ATPSCKMT: variants seen among roughly 807,000 people sequenced by gnomAD.
The protein encoded by ATPSCKMT is ATP synthase c subunit lysine N-methyltransferase, also known as ATP synthase subunit C lysine N-methyltransferase.
ATPSCKMT carries 24 observed loss-of-function variants against 24.3 expected under a neutral mutation model. The ratio of observed to expected loss-of-function variants is 0.99; its 90% CI spans 0.71 to 1.39. The LOEUF (loss-of-function observed/expected upper bound fraction) is 1.39, where lower values mean the gene tolerates loss of function less well. Ranked by LOEUF, ATPSCKMT falls within the 40% of genes most tolerant of loss-of-function variation. The probability of loss-of-function intolerance (pLI) is 0.00; values close to 1 mark genes in which losing one functional copy is unlikely to be tolerated. For missense variants in ATPSCKMT, 311 were observed against 298.4 expected (o/e 1.04, Z -0.31); for synonymous variants, 95 against 110.5 (o/e 0.86, Z 0.88).
intron 1 of ATPSCKMT, among the ~76,000 whole-genome samples, chr5:10,245,496 A>G (rs1018578920): frequency 6.6e-6 from 1 of 152,198 alleles, no homozygotes; most frequent in Non-Finnish European, 1.5e-5. Flanking sequence ...ATGTAATCCC[A>G]GCACTTTGGG....
intron 4 of ATPSCKMT, 103 bp downstream of exon 4, chr5:10,235,108 C>T (rs1254755574): frequency 1.0e-6 from 1 of 969,020 alleles, no homozygotes; most frequent in Non-Finnish European, 1.6e-6. Flanking sequence ...CCTAAAATCT[C>T]TGGGAGGCCA....
intron 4 of ATPSCKMT, among the ~76,000 whole-genome samples, chr5:10,231,690 C>T (rs894153684): frequency 6.6e-6 from 1 of 152,012 alleles, no homozygotes; most frequent in Admixed American, 6.6e-5. Context: ...GATGCATCTT[C>T]TACAGGCATC....
At chr5:10,246,560 A>G (rs903064149) in intron 1 of ATPSCKMT, among the ~76,000 whole-genome samples, 3 of 152,160 alleles carry the variant, frequency 2.0e-5, no homozygotes, top group Admixed American at 6.5e-5. Flanking sequence ...TGTCTTCAAG[A>G]TTCATCCAGG....
rs1745027844 is a variant in ATPSCKMT, at chr5:10,248,167, T to C, written c.16+1691A>G. Among the ~76,000 whole-genome samples, 3 of 152,268 alleles carry C rather than the reference T, an allele frequency of 2.0e-5. No individual in the cohort carries two copies. The South Asian group carries it at 6.2e-4, about 31-fold the overall frequency. On this transcript the variant is annotated intron_variant, in intron 1 of 4. Transcript: ENST00000511437. ...TGTATGTGCATACCTGTTTAATAAC[T>C]ACAGCATATGTTATGTCCCTTTAGC...
chr5:10,236,668 T>C (rs2126441558), intron 2 of ATPSCKMT, 53 bp from the exon 3 acceptor site: 1 of 1,597,088 alleles, frequency 6.3e-7, no homozygotes, highest in Non-Finnish European at 8.5e-7. Context: ...TGAACATACA[T>C]GGTCAAACAA....
intron 2 of ATPSCKMT, 145 bp downstream of exon 2, chr5:10,238,922 A>G (rs1744495853): frequency 1.0e-6 from 1 of 966,200 alleles, no homozygotes; most frequent in Admixed American, 2.9e-5. Context: ...TGGTAGTTGA[A>G]TAGTTTGGTC....
At chr5:10,230,885 G>A (rs1321239354) in intron 4 of ATPSCKMT, among the ~76,000 whole-genome samples, 1 of 152,008 alleles carries the variant, frequency 6.6e-6, no homozygotes, top group Non-Finnish European at 1.5e-5. Flanking sequence ...GCCTTCAACA[G>A]CTCATCCTCG....
At chr5:10,231,439 T>C (rs1744131061) in intron 4 of ATPSCKMT, among the ~76,000 whole-genome samples, 1 of 152,022 alleles carries the variant, frequency 6.6e-6, no homozygotes, top group Non-Finnish European at 1.5e-5. Context: ...TCCTCTCTGC[T>C]CACCCAAGGC....
chr5:10,241,884 C>A (rs1211514186), intron 1 of ATPSCKMT, among the ~76,000 whole-genome samples: 1 of 152,158 alleles, frequency 6.6e-6, no homozygotes, highest in Non-Finnish European at 1.5e-5. Context: ...TGCAATTGCA[C>A]TGTTCAAAAA....
intron 1 of ATPSCKMT, among the ~76,000 whole-genome samples, chr5:10,240,147 T>C (rs759465163): frequency 6.7e-6 from 1 of 149,576 alleles, no homozygotes; most frequent in African/African-American, 2.5e-5. Flanking sequence ...GGCAGGAGAA[T>C]GGCATGAACC....
intron 2 of ATPSCKMT, chr5:10,237,146 C>T (rs1027841861): frequency 9.5e-6 from 7 of 733,606 alleles, no homozygotes; most frequent in South Asian, 1.6e-5. Flanking sequence ...ATCCCAATAA[C>T]GTCAACTGTG....
At chr5:10,227,833 T>C (rs550503459) in intron 4 of ATPSCKMT, among the ~76,000 whole-genome samples, 186 bp from the exon 5 acceptor site, 2 of 152,312 alleles carry the variant, frequency 1.3e-5, no homozygotes, top group South Asian at 4.1e-4. Context: ...CTGACAGCAG[T>C]TGTAAGAACA....
intron 1 of ATPSCKMT, among the ~76,000 whole-genome samples, chr5:10,244,666 C>T (rs1027817982): frequency 3.3e-5 from 5 of 152,156 alleles, no homozygotes; most frequent in Admixed American, 1.3e-4. Flanking sequence ...AATCCCAGCA[C>T]TTTGGAAGGC....
At chr5:10,248,546 A>G (rs1745069870) in intron 1 of ATPSCKMT, 1 of 152,302 alleles carries the variant, frequency 6.6e-6, no homozygotes, top group South Asian at 2.1e-4. Flanking sequence ...ATCCCATGAC[A>G]GTCAGTCCTC....
In ATPSCKMT at chr5:10,240,096, T is replaced by C. The variant is rs992591389; in HGVS notation, c.17-740A>G. Among the ~76,000 whole-genome samples, 21 of 148,418 alleles carry C rather than the reference T, an allele frequency of 1.4e-4. 1 individual carries two copies. The highest frequency in any genetic ancestry group is 1.1e-3 in the Admixed American group (17 of 14,922). On this transcript the variant is annotated intron_variant, in intron 1 of 4. Coordinates refer to ENST00000511437, the MANE Select transcript of ATPSCKMT (RefSeq NM_199133.4). ...AAAAAAAAAAAAAATTAGCCGGGCGTGGTGGCGGGCGCCTGTAGTCCCAGC... is the reference window on the plus strand; with the variant it reads ...AAAAAAAAAAAAAATTAGCCGGGCGCGGTGGCGGGCGCCTGTAGTCCCAGC...
In ATPSCKMT at chr5:10,226,784, C is replaced by T. The variant is rs1048581158; in HGVS notation, c.*657G>A. The stretch of plus-strand genomic sequence containing the variant: ...CCAGTGGCAGAGATACACAGAAAGC[C>T]AAGGCTCAGAGGCAGTAAGTCATGG... On this transcript the variant is annotated 3_prime_UTR_variant, in exon 5 of 5. Transcript: ENST00000511437. 6.6e-6 allele frequency: 1 copy of T among 152,314 alleles called. No homozygotes were observed. The highest frequency in any genetic ancestry group is 2.4e-5 in the African/African-American group (1 of 41,424). The allele number at this position is 152,314 out of a possible 1,614,324, so 9.4% of individuals were successfully genotyped here.
chr5:10,246,353 T>C (rs7722710), intron 1 of ATPSCKMT, among the ~76,000 whole-genome samples: 38,346 of 151,858 alleles, frequency 0.25, 7,648 homozygotes, highest in African/African-American at 0.56. Flanking sequence ...GAGAATCACC[T>C]GAACCGGGGA....
chr5:10,228,843 T>C (rs965029092), intron 4 of ATPSCKMT, among the ~76,000 whole-genome samples: 2 of 152,082 alleles, frequency 1.3e-5, no homozygotes, highest in African/African-American at 4.8e-5. Context: ...TTGCCCGGGC[T>C]GGTCCTGAAC....
intron 1 of ATPSCKMT, among the ~76,000 whole-genome samples, chr5:10,240,309 T>C (rs1028523833): frequency 1.6e-4 from 25 of 152,026 alleles, no homozygotes; most frequent in African/African-American, 6.0e-4. Flanking sequence ...CAGACCCCAA[T>C]CACTGATTAC....
Sources: gnomAD v4.1 joint callset for allele counts (sites outside exome capture counted in the v4.1 genomes callset) on GRCh38, gnomAD v4.1.1 for gene constraint, MANE v1.5 for transcripts, NCBI Gene and HGNC (gene_info 2026-07-23, HGNC 2026-07-21) for gene names.